CCDC25: variants seen among roughly 807,000 people sequenced by gnomAD.
The protein encoded by CCDC25 is coiled-coil domain-containing protein 25.
CCDC25 carries 16 observed loss-of-function variants against 35.3 expected under a neutral mutation model. That is an observed-to-expected ratio of 0.45 (90% CI 0.31 to 0.69). The LOEUF (loss-of-function observed/expected upper bound fraction) is 0.69. Ranked by LOEUF, CCDC25 falls within the 30% of genes least tolerant of loss-of-function variation. The pLI is 0.06. For synonymous variants in CCDC25, 79 were observed against 80.3 expected (o/e 0.98, Z 0.09); for missense variants, 179 against 250.7 (o/e 0.71, Z 1.93).
intron 8 of CCDC25, 52 bp downstream of exon 8, chr8:27,740,420 C>G: frequency 6.5e-7 from 1 of 1,549,740 alleles, no homozygotes; most frequent in South Asian, 1.2e-5. Context: ...TTATTAAAAA[C>G]CCTTAGTGAA....
intron 7 of CCDC25, among the ~76,000 whole-genome samples, chr8:27,746,785 T>C (rs1242396406): frequency 1.3e-5 from 2 of 152,188 alleles, no homozygotes; most frequent in African/African-American, 2.4e-5. Context: ...ATTTGAACAC[T>C]GTATTTTAAG....
chr8:27,772,613 T>TCG lies in CCDC25; in HGVS notation c.-75_-74dup. On this transcript the variant is annotated 5_prime_UTR_variant, in exon 1 of 9. Transcript: ENST00000356537. ...ACTCACGAAGCTCAGGATACCAGACTCGCGGCGGCCGCCTGGCCCCCGGAA... is the reference window on the plus strand; with the variant it reads ...ACTCACGAAGCTCAGGATACCAGACTCGCGCGGCGGCCGCCTGGCCCCCGGAA... The TCG allele has an allele frequency of 6.8e-7, 1 of 1,475,960 alleles. No homozygotes were observed. The highest frequency in any genetic ancestry group is 9.2e-7 in the Non-Finnish European group (1 of 1,084,686). The allele number at this position is 1,475,960 out of a possible 1,614,324, so 91.4% of individuals were successfully genotyped here.
chr8:27,759,657 G>A (rs1172845138), intron 3 of CCDC25, among the ~76,000 whole-genome samples: 2 of 148,640 alleles, frequency 1.3e-5, no homozygotes, highest in African/African-American at 5.0e-5. Context: ...GTACATGCCT[G>A]TAATCCCAGC....
intron 6 of CCDC25, 60 bp from the exon 7 acceptor site, chr8:27,748,339 G>A: frequency 6.7e-7 from 1 of 1,500,308 alleles, no homozygotes; most frequent in South Asian, 1.2e-5. Flanking sequence ...CCCAGAAGAG[G>A]GATGAGGCTT....
rs780341256 is a variant in CCDC25, at chr8:27,752,629, TCC to T, written c.169-44_169-43del. ...AACCAATTGGTCCACTACCTCATTA[TCC>T]ATTGACACTGGAGCACTCAAAGGGC... is the stretch of plus-strand genomic sequence containing the variant. On this transcript the variant is annotated intron_variant, in intron 4 of 8. Transcript: ENST00000356537. 26 of 1,479,162 alleles carry T rather than the reference TCC, an allele frequency of 1.8e-5. No homozygotes were observed. In the African/African-American group the frequency reaches 3.5e-4, roughly 20 times the overall value. 91.6% of individuals were successfully genotyped at this position (1,479,162 alleles called of 1,614,324 possible).
intron 4 of CCDC25, among the ~76,000 whole-genome samples, chr8:27,755,698 C>T (rs892552190): frequency 6.6e-6 from 1 of 152,184 alleles, no homozygotes; most frequent in Admixed American, 6.5e-5. Flanking sequence ...TACACGCACC[C>T]GATATGCTGT....
chr8:27,761,946 T>A (rs770302629), intron 3 of CCDC25, among the ~76,000 whole-genome samples: 2 of 152,138 alleles, frequency 1.3e-5, no homozygotes, highest in Non-Finnish European at 1.5e-5. Flanking sequence ...AAAGAAGGCG[T>A]CGGGGTTGGA....
intron 3 of CCDC25, among the ~76,000 whole-genome samples, chr8:27,761,249 G>A (rs1804219167): frequency 3.9e-5 from 6 of 152,198 alleles, no homozygotes; most frequent in Admixed American, 3.3e-4. Flanking sequence ...AGAGAGAGCT[G>A]CAGCAACAGC....
In CCDC25 at chr8:27,735,011, CT is replaced by C; in HGVS notation, c.*1204del. 6.6e-6 allele frequency: 1 copy of C among 152,140 alleles called. No homozygotes were observed. The highest frequency in any genetic ancestry group is 1.5e-5 in the Non-Finnish European group (1 of 68,036). The allele number at this position is 152,140 out of a possible 1,614,324, so 9.4% of individuals were successfully genotyped here. A position where few individuals can be genotyped will look rare whatever the true frequency, so the allele number is the denominator to read the frequency against. ...ACCAGCTTGTGGAATGGGGGCTACCCTTTTTAATAGCAAATTCTAAGAATTC... is the reference window on the plus strand; with the variant it reads ...ACCAGCTTGTGGAATGGGGGCTACCCTTTTAATAGCAAATTCTAAGAATTC... On this transcript the variant is annotated 3_prime_UTR_variant, in exon 9 of 9. Transcript: ENST00000356537.
chr8:27,759,988 C>A (rs1447992521), intron 3 of CCDC25, among the ~76,000 whole-genome samples: 1 of 152,106 alleles, frequency 6.6e-6, no homozygotes, highest in African/African-American at 2.4e-5. Flanking sequence ...ATTCTTAGCA[C>A]TCCCTGGAAT....
chr8:27,760,998 G>A (rs1305615865), intron 3 of CCDC25, among the ~76,000 whole-genome samples: 1 of 151,944 alleles, frequency 6.6e-6, no homozygotes, highest in Non-Finnish European at 1.5e-5. Context: ...GCATGATGAT[G>A]GGTGCCTGTA....
At chr8:27,759,340 C>A (rs1181783222) in intron 3 of CCDC25, among the ~76,000 whole-genome samples, 2 of 152,212 alleles carry the variant, frequency 1.3e-5, no homozygotes, top group African/African-American at 2.4e-5. Flanking sequence ...GGCACAGTGG[C>A]TCATGCCTGT....
At chr8:27,743,132 C>A (rs1189746370) in intron 7 of CCDC25, among the ~76,000 whole-genome samples, 1 of 152,176 alleles carries the variant, frequency 6.6e-6, no homozygotes, top group Non-Finnish European at 1.5e-5. Context: ...TCTTAGCCCC[C>A]TTTTCCCTGC....
chr8:27,753,010 T>C (rs906650636), intron 4 of CCDC25: 3 of 155,434 alleles, frequency 1.9e-5, no homozygotes, highest in Non-Finnish European at 4.3e-5. Context: ...AGAATACGTG[T>C]AGTTTTAGTT....
chr8:27,750,744 A>G (rs1024667667), intron 5 of CCDC25, among the ~76,000 whole-genome samples: 5 of 152,340 alleles, frequency 3.3e-5, no homozygotes, highest in Non-Finnish European at 5.9e-5. Context: ...AACTTCTAAA[A>G]GTTTAATCTG....
In CCDC25 at chr8:27,772,594, G is replaced by A. The variant is rs559949491; in HGVS notation, c.-54C>T. On this transcript the variant is annotated 5_prime_UTR_variant, in exon 1 of 9. Coordinates refer to ENST00000356537, the MANE Select transcript of CCDC25 (RefSeq NM_018246.3). ...CGCGGAGCAGCAGCGCTCAACTCAC[G>A]AAGCTCAGGATACCAGACTCGCGGC... 1.3e-6 allele frequency: 2 copies of A among 1,532,674 alleles called. No homozygotes were observed. The highest frequency in any genetic ancestry group is 1.8e-6 in the Non-Finnish European group (2 of 1,133,054). The allele number at this position is 1,532,674 out of a possible 1,614,324, so 94.9% of individuals were successfully genotyped here.
chr8:27,746,801 C>A (rs1006866298), intron 7 of CCDC25, among the ~76,000 whole-genome samples: 14 of 152,076 alleles, frequency 9.2e-5, no homozygotes, highest in Admixed American at 3.9e-4. Flanking sequence ...TTAAGTGAAG[C>A]CTGTTTTAGC....
At chr8:27,740,700 T>G (rs780149566) in intron 7 of CCDC25, among the ~76,000 whole-genome samples, 183 bp from the exon 8 acceptor site, 1 of 152,170 alleles carries the variant, frequency 6.6e-6, no homozygotes, top group Non-Finnish European at 1.5e-5. Context: ...TTATAAACAA[T>G]AAAAAAGATG....
chr8:27,744,616 G>A (rs901022434), intron 7 of CCDC25, among the ~76,000 whole-genome samples: 3 of 152,078 alleles, frequency 2.0e-5, no homozygotes, highest in Non-Finnish European at 4.4e-5. Context: ...AACCTATAAA[G>A]GCTCTTTATC....
Sources: gnomAD v4.1 joint callset for allele counts (sites outside exome capture counted in the v4.1 genomes callset) on GRCh38, gnomAD v4.1.1 for gene constraint, MANE v1.5 for transcripts, NCBI Gene and HGNC (gene_info 2026-07-23, HGNC 2026-07-21) for gene names.